Variants in CSTB observed in about 807,000 individuals in gnomAD.
CSTB encodes the protein cystatin B, also known as cystatin-B.
A neutral mutation model predicts 7.6 loss-of-function variants in CSTB; 8 were observed. The observed-to-expected ratio is 1.05, with a 90% CI of 0.62 to 1.89. CSTB has a LOEUF of 1.89. CSTB is among the 40% of genes most tolerant of loss of function. CSTB has a pLI of 0.00. For missense variants in CSTB, 124 were observed against 126.4 expected, an observed-to-expected ratio of 0.98 and a Z score of 0.09; for synonymous variants, 56 against 55.3, an observed-to-expected ratio of 1.01 and a Z score of -0.06.
At chr21:43,774,361 TG>T in intron 2 of CSTB, 31 bp from the exon 3 acceptor site, 1 of 1,614,014 alleles carries the variant, frequency 6.2e-7, no homozygotes, top group Middle Eastern at 1.7e-4. Flanking sequence ...GCGAAGCCTC[TG>T]ATCCCAAGTC....
At position 43,774,659 on chromosome 21, in the gene CSTB, T is replaced by C. The variant is rs935774172; in HGVS notation, c.167A>G (p.Lys56Arg). The change falls in exon 2 of 3, where the codon AAG (lysine) becomes AGG (arginine). Residue 56 changes from lysine to arginine, a missense_variant and splice_region_variant. Coordinates refer to ENST00000291568, the MANE Select transcript of CSTB (RefSeq NM_000100.4). ...GCCCTCCTGAGGCCCACACTCTACC[T>C]TGATGAAGTAGTTTGTCCCCGCGAC... is the stretch of plus-strand genomic sequence containing the variant. ...QVVAGTNYFI[K>R]VHVGDEDFVH... The C allele has an allele frequency of 3.7e-6, 6 of 1,612,978 alleles. No homozygotes were observed. In the African/African-American group the frequency reaches 5.3e-5, roughly 14 times the overall value.
At chr21:43,776,119 C>T (rs1401595596) in intron 1 of CSTB, 85 bp downstream of exon 1, 86 of 1,277,804 alleles carry the variant, frequency 6.7e-5, no homozygotes, top group Non-Finnish European at 9.1e-5. Context: ...GGGGCCAAAG[C>T]GGCTTCTTTC....
intron 2 of CSTB, 28 bp downstream of exon 2, chr21:43,774,630 G>C: frequency 1.9e-6 from 3 of 1,579,254 alleles, no homozygotes; most frequent in Non-Finnish European, 2.6e-6. Context: ...CCCGTTCGGG[G>C]CAGGCCCTCC....
chr21:43,775,264 T>C (rs535323566), intron 1 of CSTB: 53 of 225,610 alleles, frequency 2.3e-4, no homozygotes, highest in African/African-American at 1.1e-3. Context: ...CGCCTGGACC[T>C]GTTCTTGCTT....
Position 43,774,140 on chromosome 21 carries a change from T to G in CSTB, c.*62A>C, listed in dbSNP as rs996856330. The G allele has an allele frequency of 5.6e-6, 9 of 1,610,664 alleles. No homozygotes were observed. Among genetic ancestry groups the G allele is most frequent in the Middle Eastern group, 1.6e-4 (1 of 6,080 alleles). ...TTATTTTAGGATCACAAGTGCACGCTCTGGTAGACGGAGGATGACTTTGTC... is the reference window on the plus strand; with the variant it reads ...TTATTTTAGGATCACAAGTGCACGCGCTGGTAGACGGAGGATGACTTTGTC... On this transcript the variant is annotated 3_prime_UTR_variant, in exon 3 of 3. Coordinates refer to ENST00000291568, the MANE Select transcript of CSTB (RefSeq NM_000100.4).
chr21:43,775,033 A>G, intron 1 of CSTB: 1 of 485,822 alleles, frequency 2.1e-6, no homozygotes, highest in Non-Finnish European at 3.8e-6. Context: ...AGACCAGCCT[A>G]GCCAAATGGC....
intron 1 of CSTB, chr21:43,775,011 G>A (rs1309937874): frequency 3.8e-6 from 2 of 529,776 alleles, no homozygotes; most frequent in South Asian, 2.0e-5. Context: ...ATCACTTGAG[G>A]TCAGGAGTTT....
chr21:43,776,185 G>A lies in CSTB; in HGVS notation c.66+19C>T. ...TAAGGCAGGACTCCGGGCCGGCCCC[G>A]TCCCCGCGGCCCACCCACCTGGTCG... On this transcript the variant is annotated intron_variant, in intron 1 of 2. Transcript: ENST00000291568. 1 of 1,526,770 alleles carries A rather than the reference G, an allele frequency of 6.5e-7. No homozygotes were observed. Among genetic ancestry groups the A allele is most frequent in the Non-Finnish European group, 8.8e-7 (1 of 1,141,510 alleles). 94.6% of individuals were successfully genotyped at this position (1,526,770 alleles called of 1,614,324 possible).
Position 43,774,301 on chromosome 21 carries a change from G to A in CSTB, c.198C>T (p.His66=). ...GAGGGAGAGATTGGAACACTCGCAG[G>A]TGTACGAAGTCCTCGTCGCCGACGT... ...KVHVGDEDFV[H]LRVFQSLPHE... Residue 66 remains histidine (H), a synonymous_variant, in exon 3 of 3, where the codon CAC becomes CAT. Coordinates refer to ENST00000291568, the MANE Select transcript of CSTB (RefSeq NM_000100.4). 4 of 1,614,226 alleles carry A rather than the reference G, an allele frequency of 2.5e-6. No homozygotes were observed. The South Asian group carries it at 3.3e-5, about 13-fold the overall frequency.
At chr21:43,774,610 C>A in intron 2 of CSTB, 48 bp downstream of exon 2, 1 of 1,535,090 alleles carries the variant, frequency 6.5e-7, no homozygotes, top group Non-Finnish European at 9.0e-7. Context: ...CAGGCGGTTT[C>A]CTACCAGCAC....
chr21:43,774,622 C>A (rs761992444), intron 2 of CSTB, 36 bp downstream of exon 2: 1 of 1,569,684 alleles, frequency 6.4e-7, no homozygotes, highest in African/African-American at 1.4e-5. Flanking sequence ...TACCAGCACC[C>A]GTTCGGGGCA....
At chr21:43,775,167 G>T in intron 1 of CSTB, 1 of 325,876 alleles carries the variant, frequency 3.1e-6, no homozygotes, top group South Asian at 2.5e-5. Context: ...AGGTTGCAGT[G>T]GGCCGAGATT....
intron 1 of CSTB, 178 bp downstream of exon 1, chr21:43,776,026 C>A (rs999379362): frequency 1.9e-6 from 1 of 517,988 alleles, no homozygotes; most frequent in Admixed American, 4.4e-5. Flanking sequence ...AGGCGCGGCC[C>A]CCCGCTGCTC....
chr21:43,775,105 C>A (rs750291492), intron 1 of CSTB: 64 of 361,672 alleles, frequency 1.8e-4, no homozygotes, highest in Non-Finnish European at 3.0e-4. Flanking sequence ...CACCTGCAAT[C>A]CCAGCTACTC....
chr21:43,774,536 T>C lies in CSTB; in HGVS notation c.168+122A>G. 1.2e-5 allele frequency: 13 copies of C among 1,125,066 alleles called. No homozygotes were observed. The South Asian group carries it at 1.6e-4, about 14-fold the overall frequency. The allele number at this position is 1,125,066 out of a possible 1,614,324, so 69.7% of individuals were successfully genotyped here. ...AGGCCGATGGACACACACAGTAGGA[T>C]GCTTATCTCAGGGGGCAGCCACAGG... On this transcript the variant is annotated intron_variant, in intron 2 of 2. Transcript: ENST00000291568.
chr21:43,774,753 A>G lies in CSTB; in HGVS notation c.73T>C (p.Ser25Pro), dbSNP rs772315538. The change falls in exon 2 of 3, where the codon TCC becomes CCC. Residue 25 changes from serine to proline, a missense_variant. By Grantham distance (74) the Ser-to-Pro change is moderately conservative. Transcript: ENST00000291568. ...TTGTTTTCTTTCTCTTCAAGCTGGG[A>G]CCTCACCTAGACAGAAGGGACAGAA... ...ETQHIADQVRSQLEEKENKKF... is the reference protein window; with the variant it reads ...ETQHIADQVRPQLEEKENKKF... 2 of 1,613,354 alleles carry G rather than the reference A, an allele frequency of 1.2e-6. No homozygotes were observed. The highest frequency in any genetic ancestry group is 1.1e-5 in the South Asian group (1 of 91,052).
At chr21:43,775,073 A>C in intron 1 of CSTB, 3 of 386,160 alleles carry the variant, frequency 7.8e-6, no homozygotes, top group African/African-American at 4.1e-5. Flanking sequence ...AAATACAAAA[A>C]TTAGCTGGGC....
At chr21:43,775,689 A>G (rs982737971) in intron 1 of CSTB, 2 of 153,164 alleles carry the variant, frequency 1.3e-5, no homozygotes, top group African/African-American at 4.8e-5. Flanking sequence ...TGCTTGGCCA[A>G]ACTGTAGTCG....
In CSTB at chr21:43,774,298, C is replaced by T. The variant is rs1249703879; in HGVS notation, c.201G>A (p.Leu67=). The change falls in exon 3 of 3, where the codon CTG becomes CTA. Residue 67 remains leucine, a synonymous_variant. Coordinates refer to ENST00000291568, the MANE Select transcript of CSTB (RefSeq NM_000100.4). ...CATGAGGGAGAGATTGGAACACTCGCAGGTGTACGAAGTCCTCGTCGCCGA... is the reference window on the plus strand; with the variant it reads ...CATGAGGGAGAGATTGGAACACTCGTAGGTGTACGAAGTCCTCGTCGCCGA... The part of the protein sequence containing the change: ...VHVGDEDFVH[L]RVFQSLPHEN... 2.8e-5 allele frequency: 45 copies of T among 1,614,092 alleles called. No homozygotes were observed. Among genetic ancestry groups the T allele is most frequent in the Non-Finnish European group, 3.7e-5 (44 of 1,180,064 alleles).
Sources: allele counts gnomAD v4.1 joint callset, GRCh38; gene constraint gnomAD v4.1.1; transcripts MANE v1.5; gene names NCBI Gene and HGNC (gene_info 2026-07-23, HGNC 2026-07-21).